The following MALAT1 variants were observed in gnomAD, a reference collection of about 807,000 sequenced individuals.
The protein encoded by MALAT1 is hepcarcin.
chr11:65,504,528 A>G lies in MALAT1; in HGVS notation n.5168+623A>G, dbSNP rs763416142. ...AGTGATAAAGGCTGAGTGTTGAGGA[A>G]ATTTCTGCAGTTTTAAGCAGTCGTA... On this transcript the variant is annotated intron_variant and non_coding_transcript_variant, in intron 3 of 3. Transcript: ENST00000619449. 2.7e-5 allele frequency: 14 copies of G among 518,946 alleles called. No homozygotes were observed. In the East Asian group the frequency reaches 7.6e-4, roughly 28 times the overall value. 32.1% of individuals were successfully genotyped at this position (518,946 alleles called of 1,614,324 possible).
chr11:65,502,307 TA>T (rs1473693838), exon 3 of MALAT1: 3 of 516,852 alleles, frequency 5.8e-6, no homozygotes, highest in East Asian at 5.5e-5. Flanking sequence ...AATAATAATT[TA>T]AAACTACTAT....
At chr11:65,506,432 T>G (rs767517513), downstream of MALAT1, 5 of 343,846 alleles carry the variant, frequency 1.5e-5, no homozygotes, top group Non-Finnish European at 2.9e-5. Context: ...TGCTGAAAAC[T>G]TAACAATTTT....
exon 3 of MALAT1, chr11:65,499,421 A>G (rs568504867): frequency 2.1e-6 from 1 of 481,030 alleles, no homozygotes; most frequent in South Asian, 1.5e-5. Flanking sequence ...GATTAAAATG[A>G]AGGTGACTTA....
At chr11:65,502,690 C>T in exon 3 of MALAT1, 1 of 505,576 alleles carries the variant, frequency 2.0e-6, no homozygotes, top group Non-Finnish European at 3.9e-6. Flanking sequence ...GTATGATGGC[C>T]TAGATGCAGA....
rs754408649 is a variant in MALAT1 at position 65,504,861 on chromosome 11, C to CAG, written n.5168+958_5168+959dup. On this transcript the variant is annotated intron_variant and non_coding_transcript_variant, in intron 3 of 3. Coordinates refer to ENST00000619449, the Ensembl canonical transcript of MALAT1. ...CACGTATGCGAAGGGCCAGAGAAGC[C>CAG]AGACCCAGTAAGAAAAAATAGCCTA... The CAG allele has an allele frequency of 2.7e-5, 14 of 518,900 alleles. 2 individuals are homozygous for CAG. In the Middle Eastern group the frequency reaches 3.8e-3, roughly 141 times the overall value. The allele number at this position is 518,900 out of a possible 1,614,324, so 32.1% of individuals were successfully genotyped here.
intron 2 of MALAT1, chr11:65,498,761 T>C (rs1329829244): frequency 3.9e-6 from 2 of 518,844 alleles, no homozygotes; most frequent in African/African-American, 3.8e-5. Context: ...GGGGGTTTTG[T>C]GAGGTGTTTG....
At chr11:65,503,870 G>A (rs1404137307) in exon 3 of MALAT1, 3 of 518,296 alleles carry the variant, frequency 5.8e-6, no homozygotes, top group East Asian at 5.5e-5. Context: ...GGCAATAGAG[G>A]CCCTCTAAAT....
At chr11:65,502,071 T>C (rs1854563037) in exon 3 of MALAT1, 2 of 517,566 alleles carry the variant, frequency 3.9e-6, no homozygotes, top group South Asian at 2.8e-5. Context: ...GGAAGTTAAA[T>C]ATGAGCCACT....
At chr11:65,498,952 T>C (rs1416284296) in intron 2 of MALAT1, 1 of 518,930 alleles carries the variant, frequency 1.9e-6, no homozygotes, top group South Asian at 1.4e-5. Context: ...GAACTACTTT[T>C]TGCCTCCCTC....
At chr11:65,499,940 G>C (rs1238153260) in exon 3 of MALAT1, 1 of 434,294 alleles carries the variant, frequency 2.3e-6, no homozygotes, top group African/African-American at 2.1e-5. Context: ...GAGAAGTATA[G>C]AAGATAGAAA....
At chr11:65,500,857 A>G (rs185961586) in exon 3 of MALAT1, 2 of 518,822 alleles carry the variant, frequency 3.9e-6, no homozygotes, top group East Asian at 5.5e-5. Flanking sequence ...GGAGTTTCGT[A>G]CTGAGGTGTA....
At chr11:65,502,280 T>A in exon 3 of MALAT1, 1 of 517,638 alleles carries the variant, frequency 1.9e-6, no homozygotes, top group Non-Finnish European at 3.9e-6. Context: ...TCTTTTGGAA[T>A]TTTTTTCAGG....
exon 3 of MALAT1, chr11:65,502,132 T>C (rs748738171): frequency 9.7e-6 from 5 of 516,382 alleles, no homozygotes; most frequent in African/African-American, 1.9e-5. Flanking sequence ...AATTTGATAC[T>C]GTATCTGTTT....
chr11:65,500,098 C>G, exon 3 of MALAT1: 1 of 466,776 alleles, frequency 2.1e-6, no homozygotes, highest in African/African-American at 2.0e-5. Context: ...TTTACGTAGA[C>G]CAGAACCAAT....
intron 2 of MALAT1, chr11:65,498,907 T>C (rs1317733182): frequency 5.8e-6 from 3 of 518,604 alleles, no homozygotes; most frequent in Non-Finnish European, 1.2e-5. Context: ...AAGAAAAATC[T>C]AGAAAAGTAA....
intron 3 of MALAT1, chr11:65,504,790 C>T (rs774054058): frequency 1.3e-5 from 7 of 518,864 alleles, no homozygotes; most frequent in African/African-American, 5.8e-5. Context: ...TTTCTCTCTC[C>T]CCTCCCTTGG....
rs761674411 is a variant in MALAT1, at chr11:65,501,325, C to G, written n.2588C>G. On this transcript the variant is annotated non_coding_transcript_exon_variant, in exon 3 of 4. Coordinates refer to ENST00000619449, the Ensembl canonical transcript of MALAT1. Reference sequence around the variant, plus strand: ...AAATGACTCAAGGTGTAACAGAAAACAAGAAAATCCAATATCAGGATAATC... The same window carrying G: ...AAATGACTCAAGGTGTAACAGAAAAGAAGAAAATCCAATATCAGGATAATC... 1.7e-5 allele frequency: 9 copies of G among 518,220 alleles called. No homozygotes were observed. The East Asian group carries it at 4.9e-4, about 28-fold the overall frequency. The allele number at this position is 518,220 out of a possible 1,614,324, so 32.1% of individuals were successfully genotyped here.
intron 1 of MALAT1, chr11:65,498,618 G>C (rs370639284): frequency 1.9e-6 from 1 of 518,602 alleles, no homozygotes; most frequent in Non-Finnish European, 3.8e-6. Context: ...CTGCAAGGCT[G>C]GGGCTCAGTT....
intron 3 of MALAT1, chr11:65,504,516 G>C (rs765004498): frequency 1.9e-5 from 10 of 518,864 alleles, no homozygotes; most frequent in Non-Finnish European, 3.5e-5. Context: ...GATAAAGGCT[G>C]AGTGTTGAGG....
Sources: allele counts gnomAD v4.1 joint callset, GRCh38; gene constraint gnomAD v4.1.1; transcripts MANE v1.5; gene names NCBI Gene and HGNC (gene_info 2026-07-23, HGNC 2026-07-21).